The following SYN3 variants were observed in gnomAD, a reference collection of about 807,000 sequenced individuals.
SYN3 encodes synapsin-3.
Under a neutral mutation model 65.8 loss-of-function variants are expected in SYN3, and 35 were observed. That is an observed-to-expected ratio of 0.53 (90% CI 0.41 to 0.70). The LOEUF is 0.70. Ranked by LOEUF, SYN3 falls within the 30% of genes least tolerant of loss-of-function variation. The pLI, the probability that SYN3 is intolerant of heterozygous loss-of-function variation, is 0.00. For synonymous variants in SYN3, 270 were observed against 292.9 expected, an observed-to-expected ratio of 0.92 and a Z score of 0.80; for missense variants, 680 against 749.0, an observed-to-expected ratio of 0.91 and a Z score of 1.08.
At chr22:32,520,989 A>C (rs2057871609) in intron 12 of SYN3, among the ~76,000 whole-genome samples, 2 of 152,210 alleles carry the variant, frequency 1.3e-5, no homozygotes, top group African/African-American at 4.8e-5. Context: ...AATTGGATTA[A>C]ATTGCAGCAT....
At chr22:32,911,452 CTCAGTGTT>C (rs2050048474) in intron 4 of SYN3, among the ~76,000 whole-genome samples, 1 of 152,160 alleles carries the variant, frequency 6.6e-6, no homozygotes, top group Non-Finnish European at 1.5e-5. Context: ...CTTCTCCTGC[CTCAGTGTT>C]TGGTGGAGAG....
intron 7 of SYN3, among the ~76,000 whole-genome samples, chr22:32,567,030 C>A (rs898508482): frequency 6.6e-6 from 1 of 152,104 alleles, no homozygotes; most frequent in South Asian, 2.1e-4. Context: ...GGAATGGATT[C>A]TCTTCTTTGA....
rs1003833780 is a variant in SYN3, at chr22:32,678,120, G to T, written c.712-81384C>A. Among the ~76,000 whole-genome samples, 29 of 152,276 alleles carry T rather than the reference G, an allele frequency of 1.9e-4. No homozygotes were observed. The East Asian group carries it at 5.6e-3, about 29-fold the overall frequency. ...TTTGGCAATTGGATAGGCATCTTTA[G>T]GAACTGGCCCAATCTGGGGAGATTC... is the stretch of plus-strand genomic sequence containing the variant. On this transcript the variant is annotated intron_variant, in intron 6 of 13. Coordinates refer to ENST00000358763, the MANE Select transcript of SYN3 (RefSeq NM_003490.4).
rs890602128 is a variant in SYN3, at chr22:33,009,823, T to A, written c.-162-2999A>T. Reference sequence around the variant, plus strand: ...ATATGCATATAATATAAATATAATATATATAAAGTCTTATATATATCTGCA... The same window carrying A: ...ATATGCATATAATATAAATATAATAAATATAAAGTCTTATATATATCTGCA... On this transcript the variant is annotated intron_variant, in intron 1 of 13. Coordinates refer to ENST00000358763, the MANE Select transcript of SYN3 (RefSeq NM_003490.4). Among the ~76,000 whole-genome samples the A allele has an allele frequency of 1.3e-3, 158 of 117,930 alleles. 1 individual carries two copies. The highest frequency in any genetic ancestry group is 2.0e-3 in the Non-Finnish European group (109 of 54,156). The allele number at this position is 117,930 out of a possible 152,430, so 77.4% of individuals were successfully genotyped here. A position where few individuals can be genotyped will look rare whatever the true frequency, so the allele number is the denominator to read the frequency against.
chr22:32,531,858 G>C (rs1569010222), intron 10 of SYN3, among the ~76,000 whole-genome samples: 1 of 149,514 alleles, frequency 6.7e-6, no homozygotes. Context: ...AACATTCTTG[G>C]GAGACGTTGT....
chr22:32,668,264 T>C (rs1267013419), intron 6 of SYN3, among the ~76,000 whole-genome samples: 1 of 152,224 alleles, frequency 6.6e-6, no homozygotes, highest in Non-Finnish European at 1.5e-5. Context: ...TGTTTAGAAG[T>C]GTTAAAAGAA....
rs1364092706 is a variant in SYN3 at position 33,017,718 on chromosome 22, G to A, written c.-162-10894C>T. On this transcript the variant is annotated intron_variant, in intron 1 of 13. Transcript: ENST00000358763. ...CTACTGATTTTTGCGTGTTGATTTC[G>A]TACCCTGCAACTTCACTGAATTTGT... Among the ~76,000 whole-genome samples the A allele has an allele frequency of 6.0e-5, 9 of 150,006 alleles. No homozygotes were observed. In the South Asian group the frequency reaches 8.4e-4, roughly 14 times the overall value.
chr22:32,866,253 C>T (rs1332999239), intron 5 of SYN3, among the ~76,000 whole-genome samples: 2 of 152,210 alleles, frequency 1.3e-5, no homozygotes, highest in Non-Finnish European at 2.9e-5. Context: ...AGAGCCTGGA[C>T]ACTGAAAACA....
chr22:32,649,686 C>T (rs1328950187), intron 6 of SYN3, among the ~76,000 whole-genome samples: 2 of 152,090 alleles, frequency 1.3e-5, no homozygotes, highest in Non-Finnish European at 2.9e-5. Flanking sequence ...ACCACAAGAG[C>T]CAACATCATA....
chr22:32,617,834 G>A (rs186420982), intron 6 of SYN3, among the ~76,000 whole-genome samples: 3 of 151,938 alleles, frequency 2.0e-5, no homozygotes, highest in Non-Finnish European at 2.9e-5. Context: ...GACCCTGCCC[G>A]AGGCTTGAGG....
At chr22:32,931,676 T>C (rs1343319437) in intron 3 of SYN3, among the ~76,000 whole-genome samples, 195 bp from the exon 4 acceptor site, 1 of 152,210 alleles carries the variant, frequency 6.6e-6, no homozygotes, top group Non-Finnish European at 1.5e-5. Flanking sequence ...TGGTGGCATG[T>C]CCAAGGCAGC....
At chr22:32,717,842 T>C (rs1446571732) in intron 6 of SYN3, among the ~76,000 whole-genome samples, 3 of 152,152 alleles carry the variant, frequency 2.0e-5, no homozygotes, top group Non-Finnish European at 4.4e-5. Flanking sequence ...ATGGGAGCTT[T>C]GGTCTCAGTT....
At chr22:33,053,347 C>A (rs1011980013) in intron 1 of SYN3, among the ~76,000 whole-genome samples, 2 of 152,082 alleles carry the variant, frequency 1.3e-5, no homozygotes, top group Non-Finnish European at 2.9e-5. Context: ...CACTTGAACC[C>A]AGGAGGCGGA....
intron 1 of SYN3, among the ~76,000 whole-genome samples, chr22:33,013,899 T>G (rs1280146093): frequency 6.6e-6 from 1 of 151,964 alleles, no homozygotes; most frequent in Non-Finnish European, 1.5e-5. Flanking sequence ...ATAGCAGAAT[T>G]TTCCCCTCCT....
At chr22:32,690,456 C>T (rs969315650) in intron 6 of SYN3, among the ~76,000 whole-genome samples, 18 of 152,348 alleles carry the variant, frequency 1.2e-4, no homozygotes, top group African/African-American at 4.3e-4. Context: ...TCTCTTCTCA[C>T]CACTGTGAGC....
chr22:32,535,526 C>T (rs76278873), intron 9 of SYN3, among the ~76,000 whole-genome samples: 6,764 of 152,248 alleles, frequency 0.044, 184 homozygotes, highest in Non-Finnish European at 0.067. Context: ...TCAGGGTCCT[C>T]GTTTTTGGCC....
intron 6 of SYN3, among the ~76,000 whole-genome samples, chr22:32,816,958 C>T (rs1483168451): frequency 1.3e-5 from 2 of 151,910 alleles, no homozygotes; most frequent in Non-Finnish European, 2.9e-5. Flanking sequence ...CAGCGGCTCA[C>T]GCATATAACC....
chr22:32,571,655 A>G (rs922871428), intron 7 of SYN3, among the ~76,000 whole-genome samples: 3 of 152,184 alleles, frequency 2.0e-5, no homozygotes, highest in Non-Finnish European at 4.4e-5. Context: ...AAGACTATGA[A>G]AGGTGGCACT....
chr22:32,697,766 C>T (rs888373490), intron 6 of SYN3, among the ~76,000 whole-genome samples: 3 of 152,232 alleles, frequency 2.0e-5, no homozygotes, highest in African/African-American at 7.2e-5. Context: ...TCACAGGCAA[C>T]GTATATTTTT....
Sources: allele counts gnomAD v4.1 joint callset (sites outside exome capture counted in the v4.1 genomes callset), GRCh38; gene constraint gnomAD v4.1.1; transcripts MANE v1.5; gene names NCBI Gene and HGNC (gene_info 2026-07-23, HGNC 2026-07-21).